STK24: variants seen among roughly 807,000 people sequenced by gnomAD.
STK24 encodes serine/threonine kinase 24.
In STK24, 21 loss-of-function variants were observed where a neutral mutation model predicts 55.6. That is an observed-to-expected ratio of 0.38 (90% confidence interval 0.27 to 0.54). The LOEUF (loss-of-function observed/expected upper bound fraction) is 0.54, where lower values mean the gene tolerates loss of function less well. STK24 is among the 20% of genes least tolerant of loss of function. The probability of loss-of-function intolerance (pLI) is 0.79; values close to 1 mark genes in which losing one functional copy is unlikely to be tolerated. For synonymous variants in STK24, 200 were observed against 215.2 expected (o/e 0.93, Z 0.62); for missense variants, 383 against 538.4 (o/e 0.71, Z 2.86).
chr13:98,561,201 A>G (rs1897410097), intron 1 of STK24, among the ~76,000 whole-genome samples: 1 of 152,226 alleles, frequency 6.6e-6, no homozygotes, highest in African/African-American at 2.4e-5. Context: ...TAACTACATA[A>G]AACTCATTAA....
chr13:98,528,324 G>A (rs1896490110), intron 1 of STK24, among the ~76,000 whole-genome samples: 1 of 152,206 alleles, frequency 6.6e-6, no homozygotes, highest in African/African-American at 2.4e-5. Flanking sequence ...TGCGCTCAAT[G>A]AGAACGCCAG....
intron 1 of STK24, among the ~76,000 whole-genome samples, chr13:98,539,163 A>G (rs1320709902): frequency 1.3e-5 from 2 of 152,214 alleles, no homozygotes; most frequent in Non-Finnish European, 2.9e-5. Context: ...GCCGCCCTGA[A>G]GCACACACCT....
chr13:98,495,655 C>G (rs1206327198), intron 2 of STK24, among the ~76,000 whole-genome samples: 1 of 152,188 alleles, frequency 6.6e-6, no homozygotes, highest in Non-Finnish European at 1.5e-5. Flanking sequence ...TACACTAGGA[C>G]AGTGTGTTCA....
At chr13:98,491,315 A>G (rs559863817) in intron 2 of STK24, among the ~76,000 whole-genome samples, 184 of 152,320 alleles carry the variant, frequency 1.2e-3, no homozygotes, top group African/African-American at 4.4e-3. Flanking sequence ...ATCACTGCTG[A>G]TTAGGAAAAG....
intron 10 of STK24, chr13:98,456,351 A>G: frequency 2.6e-6 from 1 of 392,124 alleles, no homozygotes; most frequent in South Asian, 1.9e-5. Context: ...ACAGAGTCTC[A>G]GCCAGCTTTG....
chr13:98,497,740 G>A (rs944464941), intron 2 of STK24, among the ~76,000 whole-genome samples: 2 of 152,134 alleles, frequency 1.3e-5, no homozygotes, highest in East Asian at 1.9e-4. Flanking sequence ...AAAAGAAGAC[G>A]GCACCTTCCT....
At chr13:98,454,414 A>G (rs1458116581) in intron 10 of STK24, 1 of 152,194 alleles carries the variant, frequency 6.6e-6, no homozygotes, top group African/African-American at 2.4e-5. Context: ...GCTTATCTCA[A>G]ACGTTCCAAT....
At chr13:98,519,582 A>G (rs1329704495) in intron 1 of STK24, 109 bp from the exon 2 acceptor site, 2 of 871,528 alleles carry the variant, frequency 2.3e-6, no homozygotes, top group African/African-American at 1.7e-5. Context: ...CCAGGGACTC[A>G]TCTATTTTCT....
At chr13:98,542,908 G>A (rs1200540885) in intron 1 of STK24, 1 of 985,396 alleles carries the variant, frequency 1.0e-6, no homozygotes, top group South Asian at 4.7e-5. Context: ...ACCAGAACAC[G>A]CGGCCTGACA....
chr13:98,446,010 C>A lies in STK24; in HGVS notation c.*7163G>T. ...CCTTCAGTCACGGACATGCCCCAGCCCAGGGCCCTGGTGCAGGGAGAGCTG... is the reference window on the plus strand; with the variant it reads ...CCTTCAGTCACGGACATGCCCCAGCACAGGGCCCTGGTGCAGGGAGAGCTG... On this transcript the variant is annotated 3_prime_UTR_variant, in exon 11 of 11. Transcript: ENST00000539966. The A allele has an allele frequency of 1.1e-6, 1 of 885,062 alleles. No individual in the cohort carries two copies. The allele number at this position is 885,062 out of a possible 1,614,324, so 54.8% of individuals were successfully genotyped here.
rs1412947901 is a variant in STK24 at position 98,447,066 on chromosome 13, T to C, written c.*6107A>G. On this transcript the variant is annotated 3_prime_UTR_variant, in exon 11 of 11. Coordinates refer to ENST00000539966, the MANE Select transcript of STK24 (RefSeq NM_001032296.4). ...AGGCCCTAGACATCTTGCTTGGAGATCTCTGACATAACGTGTCCGGGATGA... is the reference window on the plus strand; with the variant it reads ...AGGCCCTAGACATCTTGCTTGGAGACCTCTGACATAACGTGTCCGGGATGA... 3 of 477,262 alleles carry C rather than the reference T, an allele frequency of 6.3e-6. No homozygotes were observed. The highest frequency in any genetic ancestry group is 2.6e-5 in the South Asian group (1 of 38,492). The allele number at this position is 477,262 out of a possible 1,614,324, so 29.6% of individuals were successfully genotyped here.
At chr13:98,471,645 C>T (rs1894149638) in intron 5 of STK24, among the ~76,000 whole-genome samples, 1 of 152,196 alleles carries the variant, frequency 6.6e-6, no homozygotes. Flanking sequence ...AGACATTCAG[C>T]AACACCTGAG....
At position 98,451,803 on chromosome 13, in the gene STK24, T is replaced by G. The variant is rs1431262081; in HGVS notation, c.*1370A>C. 1.3e-5 allele frequency: 2 copies of G among 152,228 alleles called. No homozygotes were observed. Among genetic ancestry groups the G allele is most frequent in the Non-Finnish European group, 2.9e-5 (2 of 68,082 alleles). The allele number at this position is 152,228 out of a possible 1,614,324, so 9.4% of individuals were successfully genotyped here. A position where few individuals can be genotyped will look rare whatever the true frequency, so the allele number is the denominator to read the frequency against. Reference sequence around the variant, plus strand: ...CCTCCCACTCCAGAAACCCAGAGATTTTCCCCCTCGCCAAGCAAGGTCCCA... The same window carrying G: ...CCTCCCACTCCAGAAACCCAGAGATGTTCCCCCTCGCCAAGCAAGGTCCCA... On this transcript the variant is annotated 3_prime_UTR_variant, in exon 11 of 11. Transcript: ENST00000539966.
intron 1 of STK24, among the ~76,000 whole-genome samples, chr13:98,564,254 G>A (rs1897508456): frequency 6.6e-6 from 1 of 152,164 alleles, no homozygotes; most frequent in East Asian, 1.9e-4. Context: ...ACCAAAGACG[G>A]TCATTTCATC....
chr13:98,558,989 AC>A (rs1203274769), intron 1 of STK24, among the ~76,000 whole-genome samples: 1 of 140,454 alleles, frequency 7.1e-6, no homozygotes, highest in Non-Finnish European at 1.5e-5. Context: ...ACGTGGAGAA[AC>A]CCTGTCTCTA....
chr13:98,552,296 G>A (rs1897177224), intron 1 of STK24, among the ~76,000 whole-genome samples: 2 of 152,264 alleles, frequency 1.3e-5, no homozygotes, highest in East Asian at 3.9e-4. Context: ...CAAGGATGAT[G>A]GGAAGGGACG....
intron 2 of STK24, among the ~76,000 whole-genome samples, chr13:98,502,110 G>C (rs1045244693): frequency 3.3e-5 from 5 of 152,258 alleles, no homozygotes; most frequent in African/African-American, 1.2e-4. Context: ...TGTCCTGAAT[G>C]GTTCCCTGTC....
chr13:98,482,066 CAAAA>C (rs34520150), intron 3 of STK24, among the ~76,000 whole-genome samples, 195 bp downstream of exon 3: 1 of 99,992 alleles, frequency 1.0e-5, no homozygotes, highest in Admixed American at 1.1e-4. Context: ...GACTCTATCT[CAAAA>C]AAAAAAAAAA....
intron 1 of STK24, 39 bp downstream of exon 1, chr13:98,576,706 C>T (rs140705294): frequency 0.02 from 29,104 of 1,448,578 alleles, 529 homozygotes; most frequent in South Asian, 0.082. Flanking sequence ...GCTTCCGCCC[C>T]GGTCGCGCAT....
Sources: allele counts gnomAD v4.1 joint callset (sites outside exome capture counted in the v4.1 genomes callset), GRCh38; gene constraint gnomAD v4.1.1; transcripts MANE v1.5; gene names NCBI Gene and HGNC (gene_info 2026-07-23, HGNC 2026-07-21).